Variants in TFRC observed in about 807,000 individuals in gnomAD.
The protein encoded by TFRC is transferrin receptor protein 1.
Under a neutral mutation model 85.8 loss-of-function variants are expected in TFRC, and 35 were observed. The observed-to-expected ratio is 0.41, with a 90% CI of 0.31 to 0.54. The LOEUF (loss-of-function observed/expected upper bound fraction) is 0.54, where lower values mean the gene tolerates loss of function less well. Among genes scored for constraint, TFRC ranks in the 20% least tolerant of loss-of-function variants. The pLI, the probability that TFRC is intolerant of heterozygous loss-of-function variation, is 0.31. For synonymous variants in TFRC, 362 were observed against 328.6 expected (o/e 1.10, Z -1.10); for missense variants, 828 against 921.5 (o/e 0.90, Z 1.31).
Position 196,062,948 on chromosome 3 carries a change from G to A in TFRC, c.1319-9C>T, listed in dbSNP as rs1577230367. Reference sequence around the variant, plus strand: ...GCTGGGCTGAAACCCATCTGAAAGAGAAAAAAGTTAGCTTTACCTGAGGAA... The same window carrying A: ...GCTGGGCTGAAACCCATCTGAAAGAAAAAAAAGTTAGCTTTACCTGAGGAA... On this transcript the variant is annotated splice_polypyrimidine_tract_variant and intron_variant, in intron 11 of 18. Coordinates refer to ENST00000360110, the MANE Select transcript of TFRC (RefSeq NM_001128148.3). The A allele has an allele frequency of 6.2e-7, 1 of 1,612,930 alleles. No homozygotes were observed. Among genetic ancestry groups the A allele is most frequent in the South Asian group, 1.1e-5 (1 of 90,974 alleles).
At chr3:196,055,561 T>C in intron 16 of TFRC, 2 of 523,414 alleles carry the variant, frequency 3.8e-6, no homozygotes, top group Non-Finnish European at 3.5e-6. Flanking sequence ...TCATATGCCC[T>C]GAATAGACTT....
chr3:196,067,718 T>C lies in TFRC; in HGVS notation c.901-61A>G, dbSNP rs1038792545. On this transcript the variant is annotated intron_variant, in intron 8 of 18. Transcript: ENST00000360110. ...ACTTCCTCAAAACTTCTCTGTAAGA[T>C]TCAGGTTTGGTATAAGGCTGCAGCC... is the stretch of plus-strand genomic sequence containing the variant. The C allele has an allele frequency of 8.2e-6, 13 of 1,582,164 alleles. No homozygotes were observed. In the Admixed American group the frequency reaches 1.3e-4, roughly 15 times the overall value.
rs116270511 is a variant in TFRC, at chr3:196,079,022, C to T, written c.-23-1900G>A. ...CTTCTGACCTAGGGTGATCCACCCA[C>T]CTGGCCTCCCAAAGTGCTAAGATTA... is the stretch of plus-strand genomic sequence containing the variant. On this transcript the variant is annotated intron_variant, in intron 1 of 18. Coordinates refer to ENST00000360110, the MANE Select transcript of TFRC (RefSeq NM_001128148.3). Among the ~76,000 whole-genome samples, 298 of 152,232 alleles carry T rather than the reference C, an allele frequency of 2.0e-3. 2 individuals carry two copies. The highest frequency in any genetic ancestry group is 6.9e-3 in the African/African-American group (288 of 41,546).
chr3:196,059,609 T>C (rs1717100376), intron 14 of TFRC, among the ~76,000 whole-genome samples: 1 of 151,794 alleles, frequency 6.6e-6, no homozygotes, highest in Admixed American at 6.6e-5. Flanking sequence ...TTTATTTATT[T>C]ATTTATTTTT....
chr3:196,051,474 C>G lies in TFRC; in HGVS notation c.*468G>C, dbSNP rs1716300383. 4.5e-6 allele frequency: 1 copy of G among 220,856 alleles called. No individual in the cohort carries two copies. Among genetic ancestry groups the G allele is most frequent in the Non-Finnish European group, 9.1e-6 (1 of 110,286 alleles). 13.7% of individuals were successfully genotyped at this position (220,856 alleles called of 1,614,324 possible). A position where few individuals can be genotyped will look rare whatever the true frequency, so the allele number is the denominator to read the frequency against. On this transcript the variant is annotated 3_prime_UTR_variant, in exon 19 of 19. Coordinates refer to ENST00000360110, the MANE Select transcript of TFRC (RefSeq NM_001128148.3). ...CTTTCAGGAATGAGGAAACCAGCTA[C>G]ATTCCTTATGGAAAGGCTTAGATCT...
chr3:196,064,185 AT>A, intron 11 of TFRC, 123 bp downstream of exon 11: 1 of 1,069,600 alleles, frequency 9.3e-7, no homozygotes, highest in South Asian at 2.2e-5. Flanking sequence ...TCTGCCTTGT[AT>A]TTAAGAACTA....
At position 196,073,840 on chromosome 3, in the gene TFRC, TC is replaced by T. The variant is rs916106019; in HGVS notation, c.434+89del. The T allele has an allele frequency of 3.0e-6, 4 of 1,331,646 alleles. No homozygotes were observed. In the African/African-American group the frequency reaches 5.9e-5, roughly 19 times the overall value. The allele number at this position is 1,331,646 out of a possible 1,614,324, so 82.5% of individuals were successfully genotyped here. A position where few individuals can be genotyped will look rare whatever the true frequency, so the allele number is the denominator to read the frequency against. On this transcript the variant is annotated intron_variant, in intron 4 of 18. Transcript: ENST00000360110. ...AGTCTTGTCTTCTCTAACAAGCCATTCCCCACAGTGTCACCATTATTGTTTC... is the reference window on the plus strand; with the variant it reads ...AGTCTTGTCTTCTCTAACAAGCCATTCCCACAGTGTCACCATTATTGTTTC...
At position 196,070,325 on chromosome 3, in the gene TFRC, C is replaced by T. The variant is rs150448129; in HGVS notation, c.688-757G>A. Among the ~76,000 whole-genome samples, 52 of 150,348 alleles carry T rather than the reference C, an allele frequency of 3.5e-4. No individual in the cohort carries two copies. The East Asian group carries it at 3.7e-3, about 11-fold the overall frequency. ...TGTTGCTCAGGCTGGAGTGCAATGG[C>T]GCAATATCCGCTCACTGCAACCTCC... On this transcript the variant is annotated intron_variant, in intron 6 of 18. Coordinates refer to ENST00000360110, the MANE Select transcript of TFRC (RefSeq NM_001128148.3).
At chr3:196,065,639 T>G in intron 9 of TFRC, 39 bp from the exon 10 acceptor site, 1 of 1,565,258 alleles carries the variant, frequency 6.4e-7, no homozygotes, top group South Asian at 1.2e-5. Context: ...GAGTTATTGT[T>G]CCTTGCCCAG....
chr3:196,057,194 C>T (rs1328992723), intron 16 of TFRC, among the ~76,000 whole-genome samples: 4 of 152,226 alleles, frequency 2.6e-5, no homozygotes, highest in Non-Finnish European at 5.9e-5. Flanking sequence ...CCCAGCGCTG[C>T]CGCACCCTGG....
At chr3:196,066,046 G>T in intron 9 of TFRC, among the ~76,000 whole-genome samples, 1 of 151,686 alleles carries the variant, frequency 6.6e-6, no homozygotes, top group Non-Finnish European at 1.5e-5. Context: ...TTACTCTCTA[G>T]TGGTGAACCA....
chr3:196,056,605 T>A (rs541745650), intron 16 of TFRC, among the ~76,000 whole-genome samples: 13 of 152,048 alleles, frequency 8.5e-5, no homozygotes, highest in Non-Finnish European at 1.5e-4. Context: ...TTTAACCATG[T>A]TGGCCAGGCT....
At chr3:196,058,890 G>A in intron 14 of TFRC, 1 of 236,494 alleles carries the variant, frequency 4.2e-6, no homozygotes, top group Non-Finnish European at 8.2e-6. Flanking sequence ...GCCTAGGCCG[G>A]GTGGGGTAGT....
At position 196,065,275 on chromosome 3, in the gene TFRC, AAG is replaced by A. The variant is rs200839758; in HGVS notation, c.1198+166_1198+167del. ...GAAACTCTTTCTCAAAAAAAAAAAAAAGAAACTAACACATAAACAATTAACTT... is the reference window on the plus strand; with the variant it reads ...GAAACTCTTTCTCAAAAAAAAAAAAAAAACTAACACATAAACAATTAACTT... On this transcript the variant is annotated intron_variant, in intron 10 of 18. Transcript: ENST00000360110. Among the ~76,000 whole-genome samples the A allele has an allele frequency of 1.1e-4, 16 of 149,996 alleles. 1 individual carries two copies. In the South Asian group the frequency reaches 1.5e-3, roughly 14 times the overall value.
rs1319640479 is a variant in TFRC, at chr3:196,062,928, G to A, written c.1330C>T (p.Pro444Ser). ...SDMVLKDGFQPSRSIIFASWS... is the reference protein window; with the variant it reads ...SDMVLKDGFQSSRSIIFASWS... ...CTGGCAAAGATAATGCTTCTGCTGG[G>A]CTGAAACCCATCTGAAAGAGAAAAA... is the stretch of plus-strand genomic sequence containing the variant. Residue 444 changes from proline to serine, a missense_variant, in exon 12 of 19, where the codon CCC becomes TCC. Pro to Ser is a moderately conservative substitution (Grantham distance 74, BLOSUM62 -1). Transcript: ENST00000360110. The A allele has an allele frequency of 6.2e-7, 1 of 1,614,040 alleles. No individual in the cohort carries two copies.
chr3:196,075,135 G>A (rs1718569339), intron 3 of TFRC, 24 bp downstream of exon 3: 1 of 1,566,916 alleles, frequency 6.4e-7, no homozygotes, highest in Admixed American at 1.7e-5. Context: ...AGAAAACATT[G>A]AAGTTTGGAA....
intron 13 of TFRC, among the ~76,000 whole-genome samples, chr3:196,061,400 T>C (rs1717268669): frequency 6.6e-6 from 1 of 152,214 alleles, no homozygotes; most frequent in South Asian, 2.1e-4. Flanking sequence ...TTTTTGTTTC[T>C]TTGTTTGGGT....
At chr3:196,077,869 C>T (rs1477660664) in intron 1 of TFRC, among the ~76,000 whole-genome samples, 1 of 152,118 alleles carries the variant, frequency 6.6e-6, no homozygotes, top group African/African-American at 2.4e-5. Context: ...AAATACTGAT[C>T]CTGACTGAAT....
At chr3:196,059,624 T>A (rs537849037) in intron 14 of TFRC, among the ~76,000 whole-genome samples, 37 of 152,044 alleles carry the variant, frequency 2.4e-4, no homozygotes, top group Admixed American at 9.8e-4. Flanking sequence ...ATTTTTTTTT[T>A]AATTATACTT....
Sources: gnomAD v4.1 joint callset for allele counts (sites outside exome capture counted in the v4.1 genomes callset) on GRCh38, gnomAD v4.1.1 for gene constraint, MANE v1.5 for transcripts, NCBI Gene and HGNC (gene_info 2026-07-23, HGNC 2026-07-21) for gene names.